The following RUFY3 variants were observed in gnomAD, a reference collection of about 807,000 sequenced individuals.
RUFY3 encodes RUN and FYVE domain containing 3.
In RUFY3, 34 loss-of-function variants were observed where a neutral mutation model predicts 84.0. The ratio of observed to expected loss-of-function variants is 0.40; its 90% CI spans 0.31 to 0.54. RUFY3 has a LOEUF of 0.54. Ranked by LOEUF, RUFY3 falls within the 20% of genes least tolerant of loss-of-function variation. RUFY3 has a pLI of 0.39. For missense variants in RUFY3, 507 were observed against 736.8 expected, an observed-to-expected ratio of 0.69 and a Z score of 3.61; for synonymous variants, 242 against 252.9, an observed-to-expected ratio of 0.96 and a Z score of 0.41.
At chr4:70,739,844 A>T (rs1419831116) in intron 1 of RUFY3, among the ~76,000 whole-genome samples, 2 of 151,164 alleles carry the variant, frequency 1.3e-5, no homozygotes, top group East Asian at 3.9e-4. Flanking sequence ...AAAAAAAAAA[A>T]GCCGGGTGCA....
At chr4:70,789,344 TA>T (rs1397233582) in intron 11 of RUFY3, 150 bp from the exon 12 acceptor site, 1 of 755,568 alleles carries the variant, frequency 1.3e-6, no homozygotes, top group Non-Finnish European at 2.1e-6. Flanking sequence ...TAACTTTAGA[TA>T]AATTGCTTTT....
intron 1 of RUFY3, among the ~76,000 whole-genome samples, chr4:70,746,285 A>C (rs1453019510): frequency 1.3e-5 from 2 of 150,986 alleles, no homozygotes; most frequent in East Asian, 2.0e-4. Context: ...CGGAGGTTGC[A>C]GTGAGTCAAG....
chr4:70,706,553 T>C (rs1393441960), intron 1 of RUFY3, among the ~76,000 whole-genome samples: 1 of 152,246 alleles, frequency 6.6e-6, no homozygotes, highest in Non-Finnish European at 1.5e-5. Context: ...CAGATTGCTT[T>C]TCTGCTAAAC....
chr4:70,783,069 AT>A, intron 8 of RUFY3, 21 bp from the exon 9 acceptor site: 4 of 1,419,204 alleles, frequency 2.8e-6, no homozygotes, highest in Non-Finnish European at 3.9e-6. Context: ...ATAAAAGATT[AT>A]TTTTAAAATT....
intron 4 of RUFY3, among the ~76,000 whole-genome samples, chr4:70,767,248 G>A (rs1022072591): frequency 6.7e-6 from 1 of 149,014 alleles, no homozygotes; most frequent in African/African-American, 2.5e-5. Flanking sequence ...ACCATGCCCG[G>A]CTAATTTTGT....
chr4:70,767,680 C>T (rs1560520255), intron 4 of RUFY3, among the ~76,000 whole-genome samples: 1 of 151,406 alleles, frequency 6.6e-6, no homozygotes, highest in African/African-American at 2.4e-5. Flanking sequence ...TATGGGTCTT[C>T]ACGAATTTTT....
chr4:70,753,440 C>G (rs1222218027), intron 1 of RUFY3, among the ~76,000 whole-genome samples: 1 of 152,120 alleles, frequency 6.6e-6, no homozygotes, highest in Non-Finnish European at 1.5e-5. Flanking sequence ...TACTTATATA[C>G]ATGTATGTTG....
intron 2 of RUFY3, among the ~76,000 whole-genome samples, 173 bp downstream of exon 2, chr4:70,762,865 A>G (rs1725262944): frequency 6.6e-6 from 1 of 152,216 alleles, no homozygotes; most frequent in East Asian, 1.9e-4. Flanking sequence ...CAATGGACTT[A>G]TAGGGCTTTA....
At chr4:70,788,110 C>T (rs1028546041) in intron 10 of RUFY3, among the ~76,000 whole-genome samples, 6 of 151,888 alleles carry the variant, frequency 4.0e-5, no homozygotes, top group Non-Finnish European at 7.4e-5. Context: ...ATGGTGAAAC[C>T]CCGTCTCTAC....
intron 1 of RUFY3, among the ~76,000 whole-genome samples, chr4:70,755,358 C>T (rs1039482809): frequency 4.6e-5 from 7 of 152,160 alleles, no homozygotes; most frequent in Non-Finnish European, 7.3e-5. Context: ...TTGCATATAA[C>T]ATACTTAATA....
rs193280141 is a variant in RUFY3 at position 70,735,565 on chromosome 4, G to A, written c.178+12814G>A. ...TGTTTTCAAAGAAAATATTGGCTGG[G>A]CGTGGTGGCTCACACCTGTAATCCC... On this transcript the variant is annotated intron_variant, in intron 1 of 17. Transcript: ENST00000381006. Among the ~76,000 whole-genome samples, 58 of 152,260 alleles carry A rather than the reference G, an allele frequency of 3.8e-4. No homozygotes were observed. The East Asian group carries it at 9.8e-3, about 26-fold the overall frequency.
intron 1 of RUFY3, among the ~76,000 whole-genome samples, chr4:70,743,999 T>C (rs928238736): frequency 2.6e-5 from 4 of 152,204 alleles, no homozygotes; most frequent in Non-Finnish European, 2.9e-5. Context: ...AAATAAGTTA[T>C]GGAGTATTAC....
chr4:70,792,385 T>C, intron 12 of RUFY3: 2 of 962,952 alleles, frequency 2.1e-6, no homozygotes, highest in Non-Finnish European at 2.5e-6. Context: ...TATTATTATT[T>C]AGTACAAAAA....
chr4:70,762,701 T>C lies in RUFY3; in HGVS notation c.352+9T>C. The C allele has an allele frequency of 6.2e-7, 1 of 1,604,546 alleles. No individual in the cohort carries two copies. ...GAAACATGGCTTGAAAGGTAGGCCATCACCCCAAAATGCAAATATGCATGC... is the reference window on the plus strand; with the variant it reads ...GAAACATGGCTTGAAAGGTAGGCCACCACCCCAAAATGCAAATATGCATGC... On this transcript the variant is annotated intron_variant, in intron 2 of 17. Coordinates refer to ENST00000381006, the MANE Select transcript of RUFY3 (RefSeq NM_001037442.4).
intron 1 of RUFY3, among the ~76,000 whole-genome samples, chr4:70,732,115 A>G (rs951138069): frequency 6.6e-6 from 1 of 152,216 alleles, no homozygotes; most frequent in African/African-American, 2.4e-5. Context: ...TTATATCAGG[A>G]AGGGTAATGG....
At chr4:70,780,217 T>C (rs1303472908) in intron 8 of RUFY3, among the ~76,000 whole-genome samples, 1 of 152,234 alleles carries the variant, frequency 6.6e-6, no homozygotes, top group Non-Finnish European at 1.5e-5. Context: ...GCATGATCTC[T>C]AAAGTTAGGC....
Position 70,754,126 on chromosome 4 carries a change from C to T in RUFY3, c.179-8393C>T, listed in dbSNP as rs1365693143. ...GGAGTGCAATGGCACAATCTTGGCTCACTGCAGTTTCTGCCTGCCGGGTTC... is the reference window on the plus strand; with the variant it reads ...GGAGTGCAATGGCACAATCTTGGCTTACTGCAGTTTCTGCCTGCCGGGTTC... On this transcript the variant is annotated intron_variant, in intron 1 of 17. Transcript: ENST00000381006. Among the ~76,000 whole-genome samples the T allele has an allele frequency of 2.0e-5, 3 of 151,640 alleles. No homozygotes were observed. In the South Asian group the frequency reaches 6.2e-4, roughly 31 times the overall value.
At chr4:70,760,214 G>A (rs1724788416) in intron 1 of RUFY3, among the ~76,000 whole-genome samples, 1 of 152,124 alleles carries the variant, frequency 6.6e-6, no homozygotes, top group African/African-American at 2.4e-5. Flanking sequence ...ATTATAAGAA[G>A]AACAAGATGA....
intron 1 of RUFY3, among the ~76,000 whole-genome samples, chr4:70,706,507 C>G (rs1740353609): frequency 6.6e-6 from 1 of 152,120 alleles, no homozygotes; most frequent in Non-Finnish European, 1.5e-5. Flanking sequence ...TCGATTTATC[C>G]CAAGTAACAG....
Sources: gnomAD v4.1 joint callset for allele counts (sites outside exome capture counted in the v4.1 genomes callset) on GRCh38, gnomAD v4.1.1 for gene constraint, MANE v1.5 for transcripts, NCBI Gene and HGNC (gene_info 2026-07-23, HGNC 2026-07-21) for gene names.